SHC4: variants seen among roughly 807,000 people sequenced by gnomAD.
SHC4 encodes the protein SHC adaptor protein 4, also known as SHC-transforming protein 4.
Under a neutral mutation model 69.4 loss-of-function variants are expected in SHC4, and 41 were observed. The ratio of observed to expected loss-of-function variants is 0.59; its 90% CI spans 0.46 to 0.77. The LOEUF is 0.77. SHC4 is among the 30% of genes least tolerant of loss of function. The pLI is 0.00. For synonymous variants in SHC4, 318 were observed against 299.3 expected (o/e 1.06, Z -0.64); for missense variants, 777 against 783.8 (o/e 0.99, Z 0.10).
chr15:48,828,115 G>GTATA (rs57462591), intron 11 of SHC4, among the ~76,000 whole-genome samples: 10 of 75,180 alleles, frequency 1.3e-4, no homozygotes, highest in Non-Finnish European at 3.9e-4. Flanking sequence ...GTGTGTGTGT[G>GTATA]TATATATATA....
intron 4 of SHC4, among the ~76,000 whole-genome samples, chr15:48,874,175 C>T (rs1899749364): frequency 6.6e-6 from 1 of 152,082 alleles, no homozygotes; most frequent in Non-Finnish European, 1.5e-5. Flanking sequence ...TTTTAAAGAA[C>T]AAAGACAAAA....
intron 2 of SHC4, among the ~76,000 whole-genome samples, chr15:48,894,400 G>T (rs1900187553): frequency 6.6e-6 from 1 of 152,140 alleles, no homozygotes; most frequent in Non-Finnish European, 1.5e-5. Flanking sequence ...TGAAAATAAT[G>T]CAGAGTAAGT....
intron 2 of SHC4, among the ~76,000 whole-genome samples, chr15:48,919,455 C>T (rs1278342251): frequency 6.6e-6 from 1 of 151,254 alleles, no homozygotes; most frequent in Non-Finnish European, 1.5e-5. Context: ...CTTGCACTAC[C>T]ATGCTTTATT....
At chr15:48,900,171 T>C (rs1268565581) in intron 2 of SHC4, among the ~76,000 whole-genome samples, 1 of 152,162 alleles carries the variant, frequency 6.6e-6, no homozygotes, top group African/African-American at 2.4e-5. Flanking sequence ...GGTATAATCC[T>C]CTCTTCTCCT....
Position 48,902,855 on chromosome 15 carries a change from A to G in SHC4, c.657-12044T>C, listed in dbSNP as rs149258919. Among the ~76,000 whole-genome samples, 22 of 152,272 alleles carry G rather than the reference A, an allele frequency of 1.4e-4. No homozygotes were observed. The East Asian group carries it at 3.9e-3, about 27-fold the overall frequency. The stretch of plus-strand genomic sequence containing the variant: ...GACAGTTGATTTCAAGAGCCCTCCT[A>G]GTAAACCTTTTGCATTCAACTCTCC... On this transcript the variant is annotated intron_variant, in intron 2 of 11. Coordinates refer to ENST00000332408, the MANE Select transcript of SHC4 (RefSeq NM_203349.4).
intron 2 of SHC4, among the ~76,000 whole-genome samples, chr15:48,921,922 A>G (rs1186154877): frequency 2.0e-5 from 3 of 152,190 alleles, no homozygotes; most frequent in Admixed American, 6.5e-5. Flanking sequence ...AAGCTCATGT[A>G]TAGAAAAAAT....
chr15:48,864,487 G>A (rs1175027218), intron 6 of SHC4, among the ~76,000 whole-genome samples: 22 of 109,398 alleles, frequency 2.0e-4, no homozygotes, highest in African/African-American at 2.5e-4. Context: ...TTGCTCTGTC[G>A]CCCAGGCTGG....
In SHC4 at chr15:48,882,036, G is replaced by T. The variant is rs544084939; in HGVS notation, c.840+2212C>A. On this transcript the variant is annotated intron_variant, in intron 4 of 11. Coordinates refer to ENST00000332408, the MANE Select transcript of SHC4 (RefSeq NM_203349.4). ...GTCCAAAGCATATCTTAGAAATTAA[G>T]TGGGGATGGGGAAGGCATTAGTATT... Among the ~76,000 whole-genome samples, 10 of 152,252 alleles carry T rather than the reference G, an allele frequency of 6.6e-5. No individual in the cohort carries two copies. The South Asian group carries it at 2.1e-3, about 32-fold the overall frequency.
At chr15:48,918,119 A>G (rs992113598) in intron 2 of SHC4, among the ~76,000 whole-genome samples, 1 of 152,218 alleles carries the variant, frequency 6.6e-6, no homozygotes, top group African/African-American at 2.4e-5. Flanking sequence ...GATAGCTATG[A>G]TCACACAAAA....
chr15:48,894,811 G>A (rs910075960), intron 2 of SHC4, among the ~76,000 whole-genome samples: 1 of 151,874 alleles, frequency 6.6e-6, no homozygotes, highest in East Asian at 1.9e-4. Flanking sequence ...GTAGAGATGG[G>A]GGTCTCACTC....
At chr15:48,857,443 A>C (rs942432737) in intron 7 of SHC4, among the ~76,000 whole-genome samples, 3 of 152,156 alleles carry the variant, frequency 2.0e-5, no homozygotes, top group Non-Finnish European at 4.4e-5. Flanking sequence ...ATCTATTCTT[A>C]CTTTTAGTGA....
At chr15:48,904,724 C>A (rs56243367) in intron 2 of SHC4, among the ~76,000 whole-genome samples, 18,997 of 150,450 alleles carry the variant, frequency 0.13, 1,495 homozygotes, top group Non-Finnish European at 0.17. Context: ...CACACACACA[C>A]AAAAAAATGT....
chr15:48,898,851 A>G (rs1900268158), intron 2 of SHC4, among the ~76,000 whole-genome samples: 1 of 152,214 alleles, frequency 6.6e-6, no homozygotes, highest in South Asian at 2.1e-4. Flanking sequence ...GACAATAAGA[A>G]ATAGAGTTGG....
At chr15:48,909,521 C>CT (rs1455480194) in intron 2 of SHC4, among the ~76,000 whole-genome samples, 1 of 152,118 alleles carries the variant, frequency 6.6e-6, no homozygotes, top group Non-Finnish European at 1.5e-5. Context: ...TTGACTTCCT[C>CT]TTTACTGATT....
intron 11 of SHC4, among the ~76,000 whole-genome samples, chr15:48,828,489 T>C (rs977318067): frequency 2.0e-5 from 3 of 152,218 alleles, no homozygotes; most frequent in African/African-American, 7.2e-5. Flanking sequence ...TTCAAGATCC[T>C]GCTTTCAGTT....
chr15:48,843,462 G>C lies in SHC4; in HGVS notation c.1430C>G (p.Ser477Cys), dbSNP rs766864608. ...TTGGGCTGACCTTTGATTTCCAGCA[G>C]AGCCAGGTGTACTTTGAAGAGCCTG... is the stretch of plus-strand genomic sequence containing the variant. ...NTQALQSTPG[S>C]AGNQRSAQPL... The change falls in exon 10 of 12, where the codon TCT becomes TGT. Residue 477 changes from serine (S) to cysteine (C), a missense_variant. Ser to Cys is a moderately radical substitution (Grantham distance 112). Transcript: ENST00000332408. The C allele has an allele frequency of 1.9e-6, 3 of 1,614,038 alleles. No individual in the cohort carries two copies. Among genetic ancestry groups the C allele is most frequent in the Middle Eastern group, 1.6e-4 (1 of 6,076 alleles).
chr15:48,850,660 A>G (rs190237504), intron 9 of SHC4, among the ~76,000 whole-genome samples: 7 of 152,372 alleles, frequency 4.6e-5, no homozygotes, highest in African/African-American at 1.7e-4. Flanking sequence ...AGGTTGTGGA[A>G]AAGTTTTGTC....
intron 3 of SHC4, among the ~76,000 whole-genome samples, chr15:48,887,880 G>A (rs922626068): frequency 6.6e-6 from 1 of 152,172 alleles, no homozygotes; most frequent in Non-Finnish European, 1.5e-5. Flanking sequence ...ACAATTGTAT[G>A]CCAACAAATT....
intron 2 of SHC4, among the ~76,000 whole-genome samples, chr15:48,898,594 A>G (rs534189905): frequency 3.9e-5 from 6 of 152,222 alleles, no homozygotes; most frequent in Admixed American, 2.0e-4. Context: ...TTGTCTGTCT[A>G]CTTCGTGATT....
Sources: allele counts gnomAD v4.1 joint callset (sites outside exome capture counted in the v4.1 genomes callset), GRCh38; gene constraint gnomAD v4.1.1; transcripts MANE v1.5; gene names NCBI Gene and HGNC (gene_info 2026-07-23, HGNC 2026-07-21).